The following HBS1L variants were observed in gnomAD, a reference collection of about 807,000 sequenced individuals.
The protein encoded by HBS1L is HBS1 like translational GTPase, also known as HBS1-like protein.
In HBS1L, 55 loss-of-function variants were observed where a neutral mutation model predicts 88.9. The ratio of observed to expected loss-of-function variants is 0.62; its 90% CI spans 0.50 to 0.77. HBS1L has a LOEUF of 0.77. Ranked by LOEUF, HBS1L falls within the 30% of genes least tolerant of loss-of-function variation. HBS1L has a pLI of 0.00. For missense variants in HBS1L, 741 were observed against 829.3 expected (o/e 0.89, Z 1.31); for synonymous variants, 267 against 288.5 (o/e 0.93, Z 0.76).
chr6:134,986,470 T>C (rs1057472915), intron 10 of HBS1L, among the ~76,000 whole-genome samples: 2 of 152,090 alleles, frequency 1.3e-5, no homozygotes, highest in African/African-American at 4.8e-5. Context: ...CACTCCTCTA[T>C]GACCTCCCTA....
At position 134,996,948 on chromosome 6, in the gene HBS1L, G is replaced by T; in HGVS notation, c.800-6C>A. The T allele has an allele frequency of 1.3e-6, 2 of 1,568,128 alleles. No individual in the cohort carries two copies. Among genetic ancestry groups the T allele is most frequent in the Non-Finnish European group, 1.7e-6 (2 of 1,161,684 alleles). On this transcript the variant is annotated splice_region_variant and splice_polypyrimidine_tract_variant and intron_variant, in intron 6 of 17. Transcript: ENST00000367837. ...TTTCCCAGCATCAACATGACCTAAA[G>T]AAAATTGATTCAGGATTAATACCAG...
In HBS1L at chr6:134,985,427, C is replaced by T. The variant is rs770158246; in HGVS notation, c.1424-18G>A. On this transcript the variant is annotated intron_variant, in intron 11 of 17. Transcript: ENST00000367837. The stretch of plus-strand genomic sequence containing the variant: ...AAAGGAATCTGGAAAAAAGAAATTG[C>T]AAAAGGCAAGGTTTAATTTAAAATT... 48 of 1,541,872 alleles carry T rather than the reference C, an allele frequency of 3.1e-5. No homozygotes were observed. Among genetic ancestry groups the T allele is most frequent in the Non-Finnish European group, 4.2e-5 (47 of 1,128,412 alleles).
In HBS1L at chr6:135,054,812, G is replaced by A. The variant is rs1233400793; in HGVS notation, c.-121C>T. On this transcript the variant is annotated 5_prime_UTR_variant, in exon 1 of 18. Coordinates refer to ENST00000367837, the MANE Select transcript of HBS1L (RefSeq NM_006620.4). ...TATGCGCCATCTTGGCTTCCCGCAG[G>A]CCTCTGCGCCGAGCGCCTGCGCAAG... 9 of 1,240,744 alleles carry A rather than the reference G, an allele frequency of 7.3e-6. No individual in the cohort carries two copies. The highest frequency in any genetic ancestry group is 1.0e-5 in the Non-Finnish European group (9 of 878,200). The allele number at this position is 1,240,744 out of a possible 1,614,324, so 76.9% of individuals were successfully genotyped here. A position where few individuals can be genotyped will look rare whatever the true frequency, so the allele number is the denominator to read the frequency against.
chr6:135,003,561 C>T (rs952962155), intron 4 of HBS1L, among the ~76,000 whole-genome samples: 6 of 128,636 alleles, frequency 4.7e-5, no homozygotes, highest in Non-Finnish European at 8.4e-5. Context: ...AGCAAGACTC[C>T]ATCTCTTAAA....
chr6:135,021,180 T>C (rs1448321593), intron 4 of HBS1L, among the ~76,000 whole-genome samples: 1 of 152,016 alleles, frequency 6.6e-6, no homozygotes, highest in Admixed American at 6.5e-5. Context: ...GAATATTAAG[T>C]GTTAGCAGAT....
At chr6:135,000,505 TA>T (rs1193007025) in intron 5 of HBS1L, among the ~76,000 whole-genome samples, 4 of 152,166 alleles carry the variant, frequency 2.6e-5, no homozygotes, top group Non-Finnish European at 2.9e-5. Flanking sequence ...TTTAAGAGGT[TA>T]AAAGAATATT....
At chr6:134,979,386 A>G (rs756412847) in intron 13 of HBS1L, 118 bp from the exon 14 acceptor site, 2 of 703,586 alleles carry the variant, frequency 2.8e-6, no homozygotes, top group African/African-American at 3.5e-5. Context: ...TTCAATATGA[A>G]TGGATTGAGA....
intron 5 of HBS1L, among the ~76,000 whole-genome samples, chr6:135,002,374 A>G (rs1376524330): frequency 1.3e-5 from 2 of 152,180 alleles, no homozygotes; most frequent in Non-Finnish European, 2.9e-5. Context: ...TAATGATTCC[A>G]TGATTCGGGG....
At chr6:135,049,434 T>A (rs1163059340) in intron 2 of HBS1L, among the ~76,000 whole-genome samples, 1 of 152,184 alleles carries the variant, frequency 6.6e-6, no homozygotes, top group Non-Finnish European at 1.5e-5. Context: ...ATTCAGACCA[T>A]GGCAGAAGGC....
chr6:134,999,221 T>C (rs1775376336), intron 5 of HBS1L, among the ~76,000 whole-genome samples: 1 of 152,052 alleles, frequency 6.6e-6, no homozygotes, highest in Non-Finnish European at 1.5e-5. Flanking sequence ...TTAAATTCAA[T>C]ATGGAAAACA....
chr6:135,009,072 G>A (rs1562294349), intron 4 of HBS1L, among the ~76,000 whole-genome samples: 1 of 152,036 alleles, frequency 6.6e-6, no homozygotes, highest in Non-Finnish European at 1.5e-5. Context: ...AAGCCAACAT[G>A]GCACTCTCAT....
intron 2 of HBS1L, among the ~76,000 whole-genome samples, chr6:135,043,426 T>C (rs779698933): frequency 7.9e-5 from 12 of 152,308 alleles, no homozygotes; most frequent in South Asian, 2.1e-4. Context: ...TTTATAGATA[T>C]ACAATCACAT....
chr6:134,974,734 T>C (rs1437238428), intron 15 of HBS1L, among the ~76,000 whole-genome samples: 2 of 150,298 alleles, frequency 1.3e-5, no homozygotes, highest in Non-Finnish European at 3.0e-5. Flanking sequence ...AAATGTTCAA[T>C]AAACTAGGCA....
chr6:134,970,831 C>T (rs1482087892), intron 15 of HBS1L, among the ~76,000 whole-genome samples: 2 of 152,112 alleles, frequency 1.3e-5, no homozygotes, highest in South Asian at 2.1e-4. Flanking sequence ...GACTGACTAT[C>T]CTCGCTCAAA....
At chr6:134,972,374 C>T (rs4896120) in intron 15 of HBS1L, among the ~76,000 whole-genome samples, 3 of 152,060 alleles carry the variant, frequency 2.0e-5, no homozygotes, top group East Asian at 3.9e-4. Flanking sequence ...TTCAACTCAT[C>T]GTGCTGGGAA....
chr6:135,008,201 T>C (rs936213817), intron 4 of HBS1L, among the ~76,000 whole-genome samples: 3 of 152,256 alleles, frequency 2.0e-5, no homozygotes, highest in South Asian at 2.1e-4. Context: ...TATTCATAAT[T>C]AGTGTTCAGT....
At chr6:134,975,297 T>A (rs1774611724) in intron 15 of HBS1L, among the ~76,000 whole-genome samples, 1 of 152,182 alleles carries the variant, frequency 6.6e-6, no homozygotes, top group Non-Finnish European at 1.5e-5. Flanking sequence ...CCCATGCTCA[T>A]GAATTGGAAG....
chr6:135,026,550 C>A (rs1776232279), intron 4 of HBS1L, among the ~76,000 whole-genome samples: 1 of 151,984 alleles, frequency 6.6e-6, no homozygotes, highest in South Asian at 2.1e-4. Flanking sequence ...AAAAACCCAT[C>A]TATTAAAACA....
intron 4 of HBS1L, chr6:135,037,676 C>T (rs751963981): frequency 7.1e-6 from 11 of 1,550,476 alleles, no homozygotes; most frequent in South Asian, 6.0e-5. Flanking sequence ...CTCAACAAAT[C>T]GGCATCTAGG....
Sources: gnomAD v4.1 joint callset for allele counts (sites outside exome capture counted in the v4.1 genomes callset) on GRCh38, gnomAD v4.1.1 for gene constraint, MANE v1.5 for transcripts, NCBI Gene and HGNC (gene_info 2026-07-23, HGNC 2026-07-21) for gene names.